The following POLM variants were observed in gnomAD, a reference collection of about 807,000 sequenced individuals.
POLM encodes DNA-directed DNA/RNA polymerase mu.
In POLM, 52 loss-of-function variants were observed where a neutral mutation model predicts 56.7. That is an observed-to-expected ratio of 0.92 (90% CI 0.73 to 1.15). The LOEUF (loss-of-function observed/expected upper bound fraction) is 1.15, where lower values mean the gene tolerates loss of function less well. POLM is among the 50% of genes most tolerant of loss of function. The pLI is 0.00. For synonymous variants in POLM, 273 were observed against 274.3 expected (o/e 1.00, Z 0.05); for missense variants, 660 against 663.6 (o/e 0.99, Z 0.06).
chr7:44,076,764 G>C (rs2096184854), intron 5 of POLM, 135 bp from the exon 6 acceptor site: 3 of 1,110,826 alleles, frequency 2.7e-6, no homozygotes, highest in Middle Eastern at 6.3e-4. Flanking sequence ...ACCTGCCGTA[G>C]ACCACAGGGC....
In POLM at chr7:44,081,272, C is replaced by T. The variant is rs185742341; in HGVS notation, c.189-356G>A. Among the ~76,000 whole-genome samples the T allele has an allele frequency of 1.1e-4, 16 of 152,326 alleles. No individual in the cohort carries two copies. The East Asian group carries it at 2.7e-3, about 26-fold the overall frequency. ...ATGGAGGAGCCTGTTTGGGTCTGAA[C>T]CCCAGCTCTGCCTGCCACATACTTG... On this transcript the variant is annotated intron_variant, in intron 1 of 10. Transcript: ENST00000242248.
Position 44,072,716 on chromosome 7 carries a change from C to A in POLM, c.*575G>T, listed in dbSNP as rs2096171826. 5.0e-6 allele frequency: 1 copy of A among 199,756 alleles called. No individual in the cohort carries two copies. The highest frequency in any genetic ancestry group is 1.0e-5 in the Non-Finnish European group (1 of 98,838). The allele number at this position is 199,756 out of a possible 1,614,324, so 12.4% of individuals were successfully genotyped here. ...GCTCGGGGCGCTGCAGTACTGAAGC[C>A]CCATAGTTGAAAATTATCTTCCTCC... is the stretch of plus-strand genomic sequence containing the variant. On this transcript the variant is annotated 3_prime_UTR_variant, in exon 11 of 11. Transcript: ENST00000242248.
At chr7:44,074,767 G>A (rs553451153) in intron 6 of POLM, among the ~76,000 whole-genome samples, 20 of 152,296 alleles carry the variant, frequency 1.3e-4, no homozygotes, top group Admixed American at 1.1e-3. Context: ...AGATTCACTC[G>A]CAGTTAAAAG....
In POLM at chr7:44,073,253, C is replaced by T; in HGVS notation, c.*38G>A. 1 of 1,614,140 alleles carries T rather than the reference C, an allele frequency of 6.2e-7. No individual in the cohort carries two copies. On this transcript the variant is annotated 3_prime_UTR_variant, in exon 11 of 11. Transcript: ENST00000242248. ...CATTCAGTGGCCAGGTTGGGGGCAG[C>T]CCAATTTCCTGAGTGGAAGTGGGGG...
At chr7:44,075,386 C>T (rs1234978790) in intron 6 of POLM, among the ~76,000 whole-genome samples, 1 of 152,194 alleles carries the variant, frequency 6.6e-6, no homozygotes, top group South Asian at 2.1e-4. Context: ...AACAGCAGCA[C>T]CTGGCACAGT....
Position 44,073,996 on chromosome 7 carries a change from G to A in POLM, c.1101C>T (p.His367=), listed in dbSNP as rs1274530264. 2 of 1,614,052 alleles carry A rather than the reference G, an allele frequency of 1.2e-6. No homozygotes were observed. Among genetic ancestry groups the A allele is most frequent in the South Asian group, 1.1e-5 (1 of 91,088 alleles). ...GGCGGGTAGGGGACTCACAGCAGCTGTGCTGGTGCTGGTGGTACAGGATGA... is the reference window on the plus strand; with the variant it reads ...GGCGGGTAGGGGACTCACAGCAGCTATGCTGGTGCTGGTGGTACAGGATGA... ...QGLILYHQHQ[H]SCCESPTRLA... is the part of the protein sequence containing the mutation. Residue 367 remains histidine (H), a synonymous_variant, in exon 9 of 11, where the codon CAC becomes CAT. Coordinates refer to ENST00000242248, the MANE Select transcript of POLM (RefSeq NM_013284.4).
At chr7:44,079,985 C>G in intron 2 of POLM, 26 bp from the exon 3 acceptor site, 1 of 1,531,036 alleles carries the variant, frequency 6.5e-7, no homozygotes, top group African/African-American at 1.4e-5. Context: ...AAACAGGTCA[C>G]TGTGAGGCTG....
chr7:44,075,899 T>A (rs1200255510), intron 6 of POLM: 1 of 152,290 alleles, frequency 6.6e-6, no homozygotes, highest in Non-Finnish European at 1.5e-5. Flanking sequence ...CCATCACGCC[T>A]GGCTAACTCT....
rs563617459 is a variant in POLM at position 44,076,720 on chromosome 7, A to G, written c.715-91T>C. The G allele has an allele frequency of 1.4e-4, 209 of 1,521,708 alleles. No homozygotes were observed. In the African/African-American group the frequency reaches 1.8e-3, roughly 13 times the overall value. 94.3% of individuals were successfully genotyped at this position (1,521,708 alleles called of 1,614,324 possible). The stretch of plus-strand genomic sequence containing the variant: ...TCCGGGACGGTGTGGCCCATGGAGC[A>G]CCATGCACCAGGCAGGCGCCGTCCC... On this transcript the variant is annotated intron_variant, in intron 5 of 10. Transcript: ENST00000242248.
At chr7:44,080,434 G>A (rs971136331) in intron 2 of POLM, 10 of 595,190 alleles carry the variant, frequency 1.7e-5, no homozygotes, top group African/African-American at 3.6e-5. Context: ...CATCCCGCTC[G>A]GAGTTGCTGT....
At chr7:44,074,641 G>T in intron 6 of POLM, 111 bp from the exon 7 acceptor site, 1 of 1,289,466 alleles carries the variant, frequency 7.8e-7, no homozygotes. Flanking sequence ...GCAGGACCAG[G>T]AGAGGCCTCC....
rs1268796513 is a variant in POLM at position 44,080,852 on chromosome 7, G to C, written c.253C>G (p.Arg85Gly). Reference sequence around the variant, plus strand: ...CCCGGGGGAGCAGCTGCCATCCTGCGCTCCTGCCAGCTGACGGCCTCCTCT... The same window carrying C: ...CCCGGGGGAGCAGCTGCCATCCTGCCCTCCTGCCAGCTGACGGCCTCCTCT... ...SAEEAVSWQE[R>G]RMAAAPPGCT... Residue 85 changes from arginine to glycine, a missense_variant, in exon 2 of 11, where the codon CGC becomes GGC. Arg to Gly is a moderately radical substitution (Grantham distance 125). Transcript: ENST00000242248. 5 of 1,609,274 alleles carry C rather than the reference G, an allele frequency of 3.1e-6. No homozygotes were observed. The African/African-American group carries it at 4.0e-5, about 13-fold the overall frequency.
rs1425235831 is a variant in POLM at position 44,072,679 on chromosome 7, G to A, written c.*612C>T. On this transcript the variant is annotated 3_prime_UTR_variant, in exon 11 of 11. Transcript: ENST00000242248. ...CTGAGAACAGGCCTTAAAGGCAGAAGCACAGAGCCTGGCTCGGGGCGCTGC... is the reference window on the plus strand; with the variant it reads ...CTGAGAACAGGCCTTAAAGGCAGAAACACAGAGCCTGGCTCGGGGCGCTGC... 3.0e-5 allele frequency: 5 copies of A among 168,578 alleles called. No individual in the cohort carries two copies. The highest frequency in any genetic ancestry group is 5.1e-5 in the Non-Finnish European group (4 of 79,134). 10.4% of individuals were successfully genotyped at this position (168,578 alleles called of 1,614,324 possible). A position where few individuals can be genotyped will look rare whatever the true frequency, so the allele number is the denominator to read the frequency against.
Position 44,073,966 on chromosome 7 carries a change from G to C in POLM, c.1131C>G (p.Ala377=). Residue 377 remains alanine, a synonymous_variant, in exon 9 of 11, where the codon GCC becomes GCG. Transcript: ENST00000242248. ...HSCCESPTRL[A]QQSHMDAFER... ...CAAAAGCGTCCATGTGGCTCTGTTGGGCCAGGCGGGTAGGGGACTCACAGC... is the reference window on the plus strand; with the variant it reads ...CAAAAGCGTCCATGTGGCTCTGTTGCGCCAGGCGGGTAGGGGACTCACAGC... 6.2e-7 allele frequency: 1 copy of C among 1,614,220 alleles called. No homozygotes were observed. Among genetic ancestry groups the C allele is most frequent in the East Asian group, 2.2e-5 (1 of 44,884 alleles).
Position 44,079,970 on chromosome 7 carries a change from G to C in POLM, c.373-11C>G, listed in dbSNP as rs369530457. 58 of 1,583,148 alleles carry C rather than the reference G, an allele frequency of 3.7e-5. No homozygotes were observed. The highest frequency in any genetic ancestry group is 4.8e-5 in the Non-Finnish European group (55 of 1,153,678). On this transcript the variant is annotated splice_polypyrimidine_tract_variant and intron_variant, in intron 2 of 10. Transcript: ENST00000242248. ...CCTTGGCCCAGCCACCTGGGGATGG[G>C]CAATAAACAGGTCACTGTGAGGCTG... is the stretch of plus-strand genomic sequence containing the variant.
chr7:44,074,706 A>G (rs1395815746), intron 6 of POLM, among the ~76,000 whole-genome samples, 176 bp from the exon 7 acceptor site: 1 of 152,252 alleles, frequency 6.6e-6, no homozygotes, highest in African/African-American at 2.4e-5. Context: ...TAAGCCTGAC[A>G]CTATCTTCTC....
At chr7:44,077,932 G>A (rs1319284705) in intron 5 of POLM, among the ~76,000 whole-genome samples, 1 of 152,176 alleles carries the variant, frequency 6.6e-6, no homozygotes, top group Non-Finnish European at 1.5e-5. Flanking sequence ...GCACACCCGA[G>A]GCATCCAAAA....
At chr7:44,077,251 A>G (rs1291802088) in intron 5 of POLM, among the ~76,000 whole-genome samples, 1 of 152,186 alleles carries the variant, frequency 6.6e-6, no homozygotes, top group African/African-American at 2.4e-5. Flanking sequence ...TTGTGGCCAC[A>G]TTTCCAACCG....
Position 44,082,302 on chromosome 7 carries a change from A to G in POLM, c.137T>C (p.Phe46Ser), listed in dbSNP as rs1483780476. 1 of 1,554,352 alleles carries G rather than the reference A, an allele frequency of 6.4e-7. No individual in the cohort carries two copies. Among genetic ancestry groups the G allele is most frequent in the Non-Finnish European group, 8.6e-7 (1 of 1,157,354 alleles). ...EPRMGRSRRA[F>S]LTGLARSKGF... The stretch of plus-strand genomic sequence containing the variant: ...TTTGGAGCGCGCCAGGCCTGTGAGG[A>G]AGGCCCGGCGGCTGCGACCCATGCG... The change falls in exon 1 of 11, where the codon TTC becomes TCC. Residue 46 changes from phenylalanine (F) to serine (S), a missense_variant. Coordinates refer to ENST00000242248, the MANE Select transcript of POLM (RefSeq NM_013284.4).
Sources: allele counts gnomAD v4.1 joint callset (sites outside exome capture counted in the v4.1 genomes callset), GRCh38; gene constraint gnomAD v4.1.1; transcripts MANE v1.5; gene names NCBI Gene and HGNC (gene_info 2026-07-23, HGNC 2026-07-21).